SLC37A3: variants seen among roughly 807,000 people sequenced by gnomAD.
SLC37A3 encodes solute carrier family 37 member 3, also known as sugar phosphate exchanger 3.
SLC37A3 carries 51 observed loss-of-function variants against 67.1 expected under a neutral mutation model. The observed-to-expected ratio is 0.76, with a 90% confidence interval of 0.61 to 0.96. The LOEUF (loss-of-function observed/expected upper bound fraction) is 0.96, where lower values mean the gene tolerates loss of function less well. Ranked by LOEUF, SLC37A3 falls within the 40% of genes least tolerant of loss-of-function variation. The probability of loss-of-function intolerance (pLI) is 0.00; values close to 1 mark genes in which losing one functional copy is unlikely to be tolerated. For missense variants in SLC37A3, 508 were observed against 603.0 expected (o/e 0.84, Z 1.65); for synonymous variants, 214 against 231.4 (o/e 0.92, Z 0.68).
intron 13 of SLC37A3, among the ~76,000 whole-genome samples, chr7:140,340,911 A>G (rs1796335076): frequency 2.7e-5 from 4 of 147,086 alleles, no homozygotes; most frequent in Admixed American, 2.7e-4. Context: ...CAGCCTGGGC[A>G]TAAGAGCCAG....
chr7:140,344,865 CAGG>C (rs1188595228), intron 12 of SLC37A3, among the ~76,000 whole-genome samples: 4 of 152,308 alleles, frequency 2.6e-5, no homozygotes, highest in Admixed American at 1.3e-4. Flanking sequence ...AATTCCAACA[CAGG>C]AGGAGACACG....
At chr7:140,339,743 GT>G (rs558878202) in intron 13 of SLC37A3, among the ~76,000 whole-genome samples, 17 of 139,878 alleles carry the variant, frequency 1.2e-4, no homozygotes, top group African/African-American at 2.9e-4. Context: ...TTTCCTGTTT[GT>G]TTTTTTTTTT....
At chr7:140,376,431 T>TGA (rs1798034122) in intron 3 of SLC37A3, among the ~76,000 whole-genome samples, 2 of 152,226 alleles carry the variant, frequency 1.3e-5, no homozygotes, top group African/African-American at 4.8e-5. Context: ...CAACCTGGTC[T>TGA]GAGCGTACGT....
intron 6 of SLC37A3, among the ~76,000 whole-genome samples, chr7:140,356,195 C>CAAAAAAAA (rs60174653): frequency 7.4e-6 from 1 of 135,074 alleles, no homozygotes; most frequent in Admixed American, 7.4e-5. Flanking sequence ...CTCCACCTCC[C>CAAAAAAAA]AAAAAAAAAA....
At chr7:140,384,708 G>A (rs1798384547) in intron 1 of SLC37A3, among the ~76,000 whole-genome samples, 8 of 152,090 alleles carry the variant, frequency 5.3e-5, no homozygotes, top group Admixed American at 5.2e-4. Context: ...CACAGGGTAA[G>A]ACCTTGCCTG....
At chr7:140,361,418 G>A (rs1362537860) in intron 5 of SLC37A3, among the ~76,000 whole-genome samples, 2 of 151,166 alleles carry the variant, frequency 1.3e-5, no homozygotes, top group Non-Finnish European at 2.9e-5. Flanking sequence ...GGAGGTGGAG[G>A]TTGTGGTGAG....
chr7:140,390,171 A>G (rs768339284), intron 1 of SLC37A3, among the ~76,000 whole-genome samples: 10 of 152,100 alleles, frequency 6.6e-5, no homozygotes, highest in Non-Finnish European at 1.5e-4. Context: ...TGGGCAGGGG[A>G]GTGGTCAGCA....
intron 1 of SLC37A3, among the ~76,000 whole-genome samples, chr7:140,386,449 C>CAATAATAATAATAATAATAAT (rs59004511): frequency 4.5e-4 from 66 of 146,526 alleles, no homozygotes; most frequent in Non-Finnish European, 6.7e-4. Flanking sequence ...TATGCAATTA[C>CAATAATAATAATAATAATAAT]AATAATAATA....
At chr7:140,341,849 A>G (rs527309932) in intron 13 of SLC37A3, among the ~76,000 whole-genome samples, 17 of 152,372 alleles carry the variant, frequency 1.1e-4, no homozygotes, top group African/African-American at 2.4e-4. Context: ...AGGATGCCCA[A>G]TGCAGCCACT....
chr7:140,390,633 AC>A (rs1184671261), intron 1 of SLC37A3, among the ~76,000 whole-genome samples: 1 of 151,518 alleles, frequency 6.6e-6, no homozygotes, highest in Non-Finnish European at 1.5e-5. Context: ...TGGTCACCCA[AC>A]CTCCATCCCC....
intron 9 of SLC37A3, among the ~76,000 whole-genome samples, chr7:140,349,289 C>A (rs918609547): frequency 1.3e-5 from 2 of 152,200 alleles, no homozygotes; most frequent in Non-Finnish European, 2.9e-5. Context: ...GTTCCACGGT[C>A]TAAGAAAAGC....
intron 1 of SLC37A3, among the ~76,000 whole-genome samples, chr7:140,390,666 C>T (rs1798693121): frequency 6.6e-6 from 1 of 152,146 alleles, no homozygotes; most frequent in African/African-American, 2.4e-5. Flanking sequence ...GATAAGCTCC[C>T]TCCTGGGCCT....
chr7:140,376,304 T>A (rs4368896), intron 3 of SLC37A3, among the ~76,000 whole-genome samples: 83,926 of 151,946 alleles, frequency 0.55, 23,285 homozygotes, highest in South Asian at 0.65. Context: ...ACAATAACAT[T>A]GCTCAGATCA....
At chr7:140,360,834 G>C (rs956253651) in intron 5 of SLC37A3, among the ~76,000 whole-genome samples, 2 of 151,608 alleles carry the variant, frequency 1.3e-5, no homozygotes, top group Non-Finnish European at 2.9e-5. Context: ...ACTGCCACCC[G>C]GGGAGAGCTA....
At position 140,348,619 on chromosome 7, in the gene SLC37A3, G is replaced by A. The variant is rs755433468; in HGVS notation, c.1024+7C>T. On this transcript the variant is annotated splice_region_variant and intron_variant, in intron 10 of 14. Coordinates refer to ENST00000326232, the MANE Select transcript of SLC37A3 (RefSeq NM_207113.3). Reference sequence around the variant, plus strand: ...TTTATTATGGAAAAGATGTATCACCGGCATACCTATGATCCCTCCAACGTC... The same window carrying A: ...TTTATTATGGAAAAGATGTATCACCAGCATACCTATGATCCCTCCAACGTC... 68 of 1,599,180 alleles carry A rather than the reference G, an allele frequency of 4.3e-5. No individual in the cohort carries two copies. The East Asian group carries it at 5.1e-4, about 12-fold the overall frequency.
chr7:140,385,253 C>G (rs1798406521), intron 1 of SLC37A3, among the ~76,000 whole-genome samples: 1 of 152,136 alleles, frequency 6.6e-6, no homozygotes, highest in Non-Finnish European at 1.5e-5. Context: ...AGTCATTCTT[C>G]TTGGGAAATG....
rs1284676766 is a variant in SLC37A3, at chr7:140,398,453, T to A, written c.-108A>T. ...GTGGTCGCCGCTCTCCAGCCCCGGC[T>A]CCGCTCGCCGGGTCAGCTTGGCTCC... On this transcript the variant is annotated 5_prime_UTR_variant, in exon 1 of 15. Transcript: ENST00000326232. 1 of 150,538 alleles carries A rather than the reference T, an allele frequency of 6.6e-6. No homozygotes were observed. Among genetic ancestry groups the A allele is most frequent in the Non-Finnish European group, 1.5e-5 (1 of 67,800 alleles). 9.3% of individuals were successfully genotyped at this position (150,538 alleles called of 1,614,324 possible).
intron 6 of SLC37A3, among the ~76,000 whole-genome samples, chr7:140,356,195 C>T (rs866646329): frequency 7.4e-6 from 1 of 135,074 alleles, no homozygotes; most frequent in Non-Finnish European, 1.6e-5. Flanking sequence ...CTCCACCTCC[C>T]AAAAAAAAAA....
chr7:140,364,063 C>A (rs981058875), intron 5 of SLC37A3, among the ~76,000 whole-genome samples: 2 of 152,140 alleles, frequency 1.3e-5, no homozygotes, highest in Non-Finnish European at 2.9e-5. Context: ...TAAGACTGGC[C>A]AACATGGTGA....
Sources: allele counts gnomAD v4.1 joint callset (sites outside exome capture counted in the v4.1 genomes callset), GRCh38; gene constraint gnomAD v4.1.1; transcripts MANE v1.5; gene names NCBI Gene and HGNC (gene_info 2026-07-23, HGNC 2026-07-21).